Variants in CUL4A observed in about 807,000 individuals in gnomAD.
CUL4A encodes the protein cullin 4A, also known as cullin-4A.
CUL4A carries 16 observed loss-of-function variants against 95.5 expected under a neutral mutation model. That is an observed-to-expected ratio of 0.17 (90% confidence interval 0.11 to 0.25). CUL4A has a LOEUF of 0.25. Among genes scored for constraint, CUL4A ranks in the 10% least tolerant of loss-of-function variants. The pLI is 1.00. For synonymous variants in CUL4A, 380 were observed against 353.1 expected, an observed-to-expected ratio of 1.08 and a Z score of -0.85; for missense variants, 610 against 937.0, an observed-to-expected ratio of 0.65 and a Z score of 4.56.
chr13:113,223,991 A>G (rs2139137106), intron 3 of CUL4A, among the ~76,000 whole-genome samples: 1 of 152,292 alleles, frequency 6.6e-6, no homozygotes, highest in Middle Eastern at 3.4e-3. Flanking sequence ...CTGCTGCAGA[A>G]CCCACACCAC....
chr13:113,221,298 A>C (rs117372991), intron 3 of CUL4A, among the ~76,000 whole-genome samples: 16 of 152,358 alleles, frequency 1.1e-4, no homozygotes, highest in African/African-American at 1.9e-4. Flanking sequence ...TTTTTTAAGC[A>C]AGAAACCAGA....
At chr13:113,241,947 TATC>T (rs1428257103) in intron 10 of CUL4A, among the ~76,000 whole-genome samples, 5 of 152,182 alleles carry the variant, frequency 3.3e-5, no homozygotes, top group Non-Finnish European at 5.9e-5. Flanking sequence ...ATATAGTTTA[TATC>T]ATCAAATGTT....
In CUL4A at chr13:113,228,640, G is replaced by T. The variant is rs1334722077; in HGVS notation, c.438+595G>T. On this transcript the variant is annotated intron_variant, in intron 4 of 19. Coordinates refer to ENST00000375440, the MANE Select transcript of CUL4A (RefSeq NM_001008895.4). Reference sequence around the variant, plus strand: ...TGAGATGCGTTCACAAGTCTCCCCAGCCAGGTAGTGGGCTCGATGGTAGGA... The same window carrying T: ...TGAGATGCGTTCACAAGTCTCCCCATCCAGGTAGTGGGCTCGATGGTAGGA... Among the ~76,000 whole-genome samples the T allele has an allele frequency of 2.0e-5, 3 of 152,202 alleles. No individual in the cohort carries two copies. In the East Asian group the frequency reaches 5.8e-4, roughly 29 times the overall value.
chr13:113,238,143 A>G (rs952460907), intron 9 of CUL4A, among the ~76,000 whole-genome samples: 1 of 152,168 alleles, frequency 6.6e-6, no homozygotes, highest in Non-Finnish European at 1.5e-5. Context: ...GAGTCACTTT[A>G]TAAGAAAAAA....
rs1168733698 is a variant in CUL4A at position 113,244,436 on chromosome 13, G to A, written c.1255G>A (p.Ala419Thr). 6.2e-7 allele frequency: 1 copy of A among 1,613,616 alleles called. No homozygotes were observed. Among genetic ancestry groups the A allele is most frequent in the Non-Finnish European group, 8.5e-7 (1 of 1,179,792 alleles). The change falls in exon 12 of 20, where the codon GCA becomes ACA. Residue 419 changes from alanine to threonine, a missense_variant. Ala to Thr is a moderately conservative substitution (Grantham distance 58). Transcript: ENST00000375440. ...IAKHVDSKLR[A>T]GNKEATDEEL... ...AAAGCATGTGGATTCAAAGTTAAGA[G>A]CAGGCAACAAAGAAGCCACAGACGA...
chr13:113,260,858 A>G (rs1454637123), intron 19 of CUL4A, 99 bp downstream of exon 19: 10 of 929,180 alleles, frequency 1.1e-5, no homozygotes, highest in South Asian at 1.7e-5. Flanking sequence ...GACCTGCATT[A>G]TTCATGGTGC....
chr13:113,254,462 G>T (rs1214610317), intron 16 of CUL4A, among the ~76,000 whole-genome samples: 1 of 152,066 alleles, frequency 6.6e-6, no homozygotes, highest in Non-Finnish European at 1.5e-5. Context: ...GCCGGGCTTG[G>T]TAGGCACCAG....
chr13:113,250,110 C>G (rs758088399), intron 15 of CUL4A, among the ~76,000 whole-genome samples: 1 of 152,076 alleles, frequency 6.6e-6, no homozygotes, highest in Non-Finnish European at 1.5e-5. Flanking sequence ...CATTTATTTT[C>G]TCTTTTGTAA....
At chr13:113,236,757 T>G (rs2041558788) in intron 8 of CUL4A, 66 bp from the exon 9 acceptor site, 1 of 1,094,028 alleles carries the variant, frequency 9.1e-7, no homozygotes, top group Admixed American at 2.0e-5. Flanking sequence ...TGCCCCCATC[T>G]TTTGCAGAGA....
At position 113,228,435 on chromosome 13, in the gene CUL4A, T is replaced by C. The variant is rs1483311592; in HGVS notation, c.438+390T>C. Among the ~76,000 whole-genome samples the C allele has an allele frequency of 5.3e-5, 8 of 152,308 alleles. No homozygotes were observed. In the East Asian group the frequency reaches 1.3e-3, roughly 26 times the overall value. ...CTTGACGTCATGTATACATTTTTAGTGTGACCTGGCCGTTAATTACTTAAG... is the reference window on the plus strand; with the variant it reads ...CTTGACGTCATGTATACATTTTTAGCGTGACCTGGCCGTTAATTACTTAAG... On this transcript the variant is annotated intron_variant, in intron 4 of 19. Coordinates refer to ENST00000375440, the MANE Select transcript of CUL4A (RefSeq NM_001008895.4).
At chr13:113,226,576 G>T (rs1351853214) in intron 3 of CUL4A, among the ~76,000 whole-genome samples, 1 of 152,220 alleles carries the variant, frequency 6.6e-6, no homozygotes, top group African/African-American at 2.4e-5. Flanking sequence ...CATATTCTGG[G>T]TTCTTTGTCC....
intron 2 of CUL4A, among the ~76,000 whole-genome samples, chr13:113,215,021 C>A (rs529084442): frequency 6.8e-6 from 1 of 147,974 alleles, no homozygotes; most frequent in East Asian, 2.0e-4. Flanking sequence ...ATGGAGGTCT[C>A]GTCCTTTGTG....
At chr13:113,217,592 C>T (rs1231349644) in intron 2 of CUL4A, among the ~76,000 whole-genome samples, 1 of 151,932 alleles carries the variant, frequency 6.6e-6, no homozygotes, top group Non-Finnish European at 1.5e-5. Flanking sequence ...AGCAGCTCTC[C>T]GATATTTAGT....
Position 113,233,115 on chromosome 13 carries a change from T to G in CUL4A, c.513-62T>G, listed in dbSNP as rs528541610. ...TGATATTGAATAGCATAGCTGGAGATTCACCCATAACTTCTAAAAAGCGAA... is the reference window on the plus strand; with the variant it reads ...TGATATTGAATAGCATAGCTGGAGAGTCACCCATAACTTCTAAAAAGCGAA... On this transcript the variant is annotated intron_variant, in intron 5 of 19. Coordinates refer to ENST00000375440, the MANE Select transcript of CUL4A (RefSeq NM_001008895.4). 1.1e-5 allele frequency: 17 copies of G among 1,534,356 alleles called. No homozygotes were observed. The South Asian group carries it at 1.5e-4, about 14-fold the overall frequency.
chr13:113,209,526 G>A (rs1357945207), upstream of CUL4A: 5 of 685,508 alleles, frequency 7.3e-6, no homozygotes, highest in African/African-American at 4.0e-5. Context: ...GGGGCGGGGC[G>A]CGCGAGGAGG....
At position 113,233,316 on chromosome 13, in the gene CUL4A, C is replaced by G; in HGVS notation, c.652C>G (p.Leu218Val). ...AVDRSLLRSL[L>V]GMLSDLQVYK... ...GGACCGGAGCCTGTTGCGGAGCCTC[C>G]TGGGCATGCTGTCTGACCTGCAGGT... is the stretch of plus-strand genomic sequence containing the variant. Residue 218 changes from leucine to valine, a missense_variant, in exon 6 of 20, where the codon CTG becomes GTG. Physicochemically the swap from Leu to Val is conservative, Grantham distance 32 (BLOSUM62 1). This residue lies in a region of CUL4A where 97 missense variants were observed against 100.3 expected (regional missense o/e 0.97). Transcript: ENST00000375440. 6.2e-7 allele frequency: 1 copy of G among 1,613,078 alleles called. No homozygotes were observed. Among genetic ancestry groups the G allele is most frequent in the East Asian group, 2.2e-5 (1 of 44,884 alleles).
chr13:113,244,076 A>G (rs2041794765), intron 11 of CUL4A: 1 of 186,406 alleles, frequency 5.4e-6, no homozygotes, highest in South Asian at 1.2e-4. Context: ...GATCCTAGAA[A>G]TAGGCACTCC....
At chr13:113,254,848 T>C in intron 17 of CUL4A, 50 bp downstream of exon 17, 1 of 1,593,080 alleles carries the variant, frequency 6.3e-7, no homozygotes, top group Non-Finnish European at 8.6e-7. Context: ...TTAAAGCATG[T>C]ATTTGTTTTA....
At chr13:113,210,585 C>T (rs542437619) in intron 2 of CUL4A, among the ~76,000 whole-genome samples, 1 of 152,304 alleles carries the variant, frequency 6.6e-6, no homozygotes, top group South Asian at 2.1e-4. Context: ...GGTATTCAAA[C>T]AGATTTGGTA....
Sources: allele counts gnomAD v4.1 joint callset (sites outside exome capture counted in the v4.1 genomes callset), GRCh38; gene constraint gnomAD v4.1.1; regional missense constraint gnomAD v4.1.1; transcripts MANE v1.5; gene names NCBI Gene and HGNC (gene_info 2026-07-23, HGNC 2026-07-21).